Variants in XPO7 observed in about 807,000 individuals in gnomAD.
XPO7 encodes the protein exportin 7.
XPO7 carries 21 observed loss-of-function variants against 144.3 expected under a neutral mutation model. The observed-to-expected ratio is 0.15, with a 90% CI of 0.10 to 0.21. The LOEUF is 0.21. Ranked by LOEUF, XPO7 falls within the 10% of genes least tolerant of loss-of-function variation. The pLI, the probability that XPO7 is intolerant of heterozygous loss-of-function variation, is 1.00. For synonymous variants in XPO7, 580 were observed against 499.6 expected (o/e 1.16, Z -2.15); for missense variants, 808 against 1,325.8 (o/e 0.61, Z 6.06).
In XPO7 at chr8:21,984,824, A is replaced by G. The variant is rs1365618781; in HGVS notation, c.1456A>G (p.Ile486Val). The change falls in exon 12 of 28, where the codon ATT (isoleucine) becomes GTT (valine). Residue 486 changes from isoleucine to valine, a missense_variant. Physicochemically the swap from Ile to Val is conservative, Grantham distance 29. Transcript: ENST00000252512. ...GAGCGCCAGCGCAAGCCCAATGGAC[A>G]TTGCAGTGCAGGAGGGTGAGTGTGC... ...LQSASASPMD[I>V]AVQEGRLTWL... 1 of 1,613,848 alleles carries G rather than the reference A, an allele frequency of 6.2e-7. No homozygotes were observed. The highest frequency in any genetic ancestry group is 8.5e-7 in the Non-Finnish European group (1 of 1,179,884).
chr8:21,990,194 G>A (rs2117380140), intron 16 of XPO7, 150 bp from the exon 17 acceptor site: 1 of 729,470 alleles, frequency 1.4e-6, no homozygotes, highest in South Asian at 1.8e-5. Context: ...AGAAGAGAAT[G>A]CATTTTTTCA....
At chr8:21,961,457 C>G (rs1811723548) in intron 1 of XPO7, among the ~76,000 whole-genome samples, 1 of 152,046 alleles carries the variant, frequency 6.6e-6, no homozygotes, top group Non-Finnish European at 1.5e-5. Context: ...CTCAAGCAGT[C>G]CTCCCACCTC....
intron 1 of XPO7, 115 bp downstream of exon 1, chr8:21,919,903 GC>G: frequency 4.1e-6 from 1 of 243,724 alleles, no homozygotes; most frequent in Non-Finnish European, 8.2e-6. Context: ...CCGCGCCGCC[GC>G]CACTCGGGGC....
Position 21,990,864 on chromosome 8 carries a change from G to A in XPO7, c.1986G>A (p.Met662Ile). ...ACAATCAGTCCAACCTGACAGACAT[G>A]CGGTGTCGGACTACCTTCTACACAG... ...GINNQSNLTD[M>I]RCRTTFYTAL... Residue 662 changes from methionine (M) to isoleucine (I), a missense_variant, in exon 18 of 28, where the codon ATG becomes ATA. Physicochemically the swap from Met to Ile is conservative, Grantham distance 10 (BLOSUM62 1). Coordinates refer to ENST00000252512, the MANE Select transcript of XPO7 (RefSeq NM_015024.5). The A allele has an allele frequency of 6.2e-7, 1 of 1,613,824 alleles. No individual in the cohort carries two copies. Among genetic ancestry groups the A allele is most frequent in the Non-Finnish European group, 8.5e-7 (1 of 1,179,846 alleles).
chr8:21,945,309 T>C (rs1811155106), intron 1 of XPO7, among the ~76,000 whole-genome samples: 1 of 152,116 alleles, frequency 6.6e-6, no homozygotes, highest in Admixed American at 6.5e-5. Context: ...AGGAAACTCA[T>C]ATAAAAAACT....
chr8:21,977,475 A>T (rs1812263461), intron 7 of XPO7, among the ~76,000 whole-genome samples: 1 of 152,176 alleles, frequency 6.6e-6, no homozygotes. Flanking sequence ...GCTACTCTGG[A>T]GGCTGAGGCA....
chr8:22,002,340 G>A, intron 25 of XPO7, 68 bp downstream of exon 25: 1 of 1,541,720 alleles, frequency 6.5e-7, no homozygotes, highest in Admixed American at 1.9e-5. Context: ...TGCAAGACAG[G>A]GGAGCCCACA....
At chr8:21,944,250 T>C (rs1419874646) in intron 1 of XPO7, among the ~76,000 whole-genome samples, 1 of 152,120 alleles carries the variant, frequency 6.6e-6, no homozygotes, top group Non-Finnish European at 1.5e-5. Flanking sequence ...ATACCTCCCA[T>C]GAGTTATATA....
In XPO7 at chr8:21,966,805, C is replaced by T. The variant is rs919351182; in HGVS notation, c.19-52C>T. On this transcript the variant is annotated intron_variant, in intron 1 of 27. Transcript: ENST00000252512. ...TGTTTATTAATTTTAAGCACAGTTG[C>T]TTACATTTGTAGTAGGCTGAACTGT... is the stretch of plus-strand genomic sequence containing the variant. 6 of 1,552,258 alleles carry T rather than the reference C, an allele frequency of 3.9e-6. No individual in the cohort carries two copies. In the African/African-American group the frequency reaches 4.1e-5, roughly 11 times the overall value.
intron 5 of XPO7, among the ~76,000 whole-genome samples, chr8:21,973,266 A>G (rs966600792): frequency 3.3e-5 from 5 of 152,218 alleles, no homozygotes; most frequent in African/African-American, 1.2e-4. Flanking sequence ...TTCCCCTTTG[A>G]AGCTTGGCCC....
chr8:21,945,875 C>CT lies in XPO7; in HGVS notation c.19-20981dup, dbSNP rs780982357. 4.6e-5 allele frequency among the ~76,000 whole-genome samples: 7 copies of CT among 152,210 alleles called. No individual in the cohort carries two copies. The South Asian group carries it at 1.5e-3, about 32-fold the overall frequency. The stretch of plus-strand genomic sequence containing the variant: ...CACCCATTAATTAACTTAAATGAAC[C>CT]TATTCAGACTGGAGTGTTGGGAGTA... On this transcript the variant is annotated intron_variant, in intron 1 of 27. Coordinates refer to ENST00000252512, the MANE Select transcript of XPO7 (RefSeq NM_015024.5).
At chr8:21,936,474 A>G (rs537082053) in intron 1 of XPO7, among the ~76,000 whole-genome samples, 3 of 152,208 alleles carry the variant, frequency 2.0e-5, no homozygotes, top group Non-Finnish European at 4.4e-5. Flanking sequence ...AATGATACAT[A>G]CTCTAAAGAT....
intron 20 of XPO7, among the ~76,000 whole-genome samples, chr8:21,995,085 T>TAAA (rs1213881794): frequency 1.4e-5 from 2 of 147,830 alleles, no homozygotes; most frequent in Non-Finnish European, 3.0e-5. Flanking sequence ...ATAATAATAA[T>TAAA]AAACAGCTTT....
At position 22,005,205 on chromosome 8, in the gene XPO7, G is replaced by T. The variant is rs914779159; in HGVS notation, c.*117G>T. The T allele has an allele frequency of 7.4e-6, 6 of 813,540 alleles. No individual in the cohort carries two copies. Among genetic ancestry groups the T allele is most frequent in the Non-Finnish European group, 1.1e-5 (6 of 536,216 alleles). The allele number at this position is 813,540 out of a possible 1,614,324, so 50.4% of individuals were successfully genotyped here. A position where few individuals can be genotyped will look rare whatever the true frequency, so the allele number is the denominator to read the frequency against. On this transcript the variant is annotated 3_prime_UTR_variant, in exon 28 of 28. Transcript: ENST00000252512. ...TGGCTCTTTTCTCCAGGGGTGTGGG[G>T]AAAATGGCAAAGGTCAACTAGCTGC... is the stretch of plus-strand genomic sequence containing the variant.
At chr8:21,943,193 C>G (rs1811051004) in intron 1 of XPO7, among the ~76,000 whole-genome samples, 1 of 152,178 alleles carries the variant, frequency 6.6e-6, no homozygotes, top group South Asian at 2.1e-4. Context: ...TTCTCACTAG[C>G]TGTTATATCC....
At chr8:21,919,984 C>T (rs974570688) in intron 1 of XPO7, among the ~76,000 whole-genome samples, 196 bp downstream of exon 1, 1 of 151,376 alleles carries the variant, frequency 6.6e-6, no homozygotes, top group Non-Finnish European at 1.5e-5. Flanking sequence ...CTTCTCCGTC[C>T]CCTCCCACCC....
chr8:21,989,623 A>ATAT (rs1812692674), intron 16 of XPO7, among the ~76,000 whole-genome samples: 1 of 152,046 alleles, frequency 6.6e-6, no homozygotes, highest in South Asian at 2.1e-4. Context: ...CAAATACTGT[A>ATAT]TATAGCTAGT....
intron 1 of XPO7, among the ~76,000 whole-genome samples, chr8:21,946,173 G>A (rs1445884621): frequency 6.6e-6 from 1 of 152,204 alleles, no homozygotes; most frequent in African/African-American, 2.4e-5. Context: ...CAAACTGTAA[G>A]TAGCAGGTTT....
chr8:21,950,379 A>C (rs964188890), intron 1 of XPO7, among the ~76,000 whole-genome samples: 2 of 152,210 alleles, frequency 1.3e-5, no homozygotes, highest in African/African-American at 4.8e-5. Flanking sequence ...GGACTATTTC[A>C]TATTCCTAAA....
Sources: allele counts gnomAD v4.1 joint callset (sites outside exome capture counted in the v4.1 genomes callset), GRCh38; gene constraint gnomAD v4.1.1; transcripts MANE v1.5; gene names NCBI Gene and HGNC (gene_info 2026-07-23, HGNC 2026-07-21).